The following GRIK1 variants were observed in gnomAD, a reference collection of about 807,000 sequenced individuals.
The protein encoded by GRIK1 is glutamate receptor ionotropic, kainate 1.
GRIK1 carries 69 observed loss-of-function variants against 105.7 expected under a neutral mutation model. That is an observed-to-expected ratio of 0.65 (90% CI 0.54 to 0.80). The LOEUF is 0.80. Ranked by LOEUF, GRIK1 falls within the 30% of genes least tolerant of loss-of-function variation. The pLI is 0.00. For missense variants in GRIK1, 1,109 were observed against 1,167.3 expected, an observed-to-expected ratio of 0.95 and a Z score of 0.73; for synonymous variants, 438 against 431.3, an observed-to-expected ratio of 1.02 and a Z score of -0.19.
At chr21:29,709,839 T>A (rs1203601234) in intron 1 of GRIK1, among the ~76,000 whole-genome samples, 1 of 151,964 alleles carries the variant, frequency 6.6e-6, no homozygotes, top group African/African-American at 2.4e-5. Flanking sequence ...AATACTTTAA[T>A]TTCCTCTTTA....
chr21:29,739,587 C>A (rs563848637), intron 1 of GRIK1, among the ~76,000 whole-genome samples: 2 of 152,282 alleles, frequency 1.3e-5, no homozygotes, highest in African/African-American at 4.8e-5. Context: ...AAAGGAACAT[C>A]GTGCATTCAT....
At chr21:29,620,286 T>C (rs1178277052) in intron 7 of GRIK1, among the ~76,000 whole-genome samples, 1 of 152,200 alleles carries the variant, frequency 6.6e-6, no homozygotes, top group Non-Finnish European at 1.5e-5. Flanking sequence ...ACGTAACAGG[T>C]ATTTCTTGCC....
chr21:29,792,654 TGC>T (rs2066450947), intron 1 of GRIK1, among the ~76,000 whole-genome samples: 2 of 152,226 alleles, frequency 1.3e-5, no homozygotes, highest in Admixed American at 6.5e-5. Context: ...TAAATATGCC[TGC>T]TCTGAAATAT....
intron 1 of GRIK1, among the ~76,000 whole-genome samples, chr21:29,793,056 C>T (rs1028048586): frequency 1.3e-5 from 2 of 152,142 alleles, no homozygotes; most frequent in Non-Finnish European, 2.9e-5. Flanking sequence ...GATCCTCTCC[C>T]TCATACGCAG....
At chr21:29,884,525 G>A (rs963327542) in intron 1 of GRIK1, among the ~76,000 whole-genome samples, 1 of 151,938 alleles carries the variant, frequency 6.6e-6, no homozygotes, top group Admixed American at 6.6e-5. Flanking sequence ...AGAGTTACTT[G>A]ATGGCCATGT....
At chr21:29,814,602 C>T (rs2067103573) in intron 1 of GRIK1, among the ~76,000 whole-genome samples, 1 of 152,212 alleles carries the variant, frequency 6.6e-6, no homozygotes, top group South Asian at 2.1e-4. Context: ...TTCCTTCTGC[C>T]TCTCTCGATA....
In GRIK1 at chr21:29,576,864, CT is replaced by C. The variant is rs563969190; in HGVS notation, c.2130+99del. On this transcript the variant is annotated intron_variant, in intron 14 of 17. Coordinates refer to ENST00000327783, the MANE Select transcript of GRIK1 (RefSeq NM_001330994.2). Reference sequence around the variant, plus strand: ...TTTCATTAAAAAAATTACCCAACATCTTTTTTTCTTTTTTCTTTTTCTTTTT... The same window carrying C: ...TTTCATTAAAAAAATTACCCAACATCTTTTTTCTTTTTTCTTTTTCTTTTT... 439 of 700,460 alleles carry C rather than the reference CT, an allele frequency of 6.3e-4. 1 individual carries two copies. In the African/African-American group the frequency reaches 7.0e-3, roughly 11 times the overall value. The allele number at this position is 700,460 out of a possible 1,614,324, so 43.4% of individuals were successfully genotyped here.
chr21:29,598,632 A>AT (rs2061459751), intron 8 of GRIK1, among the ~76,000 whole-genome samples, 198 bp downstream of exon 8: 1 of 152,212 alleles, frequency 6.6e-6, no homozygotes, highest in South Asian at 2.1e-4. Context: ...TAGTACTGCT[A>AT]TTACTAAGAC....
intron 1 of GRIK1, among the ~76,000 whole-genome samples, chr21:29,744,168 C>T (rs2064995491): frequency 6.6e-6 from 1 of 152,206 alleles, no homozygotes; most frequent in South Asian, 2.1e-4. Flanking sequence ...GGGAGTTCTT[C>T]TGGGGGTCTG....
chr21:29,827,257 A>G (rs2067486415), intron 1 of GRIK1, among the ~76,000 whole-genome samples: 1 of 152,254 alleles, frequency 6.6e-6, no homozygotes, highest in East Asian at 1.9e-4. Context: ...AGCAGGTGGT[A>G]TTTTGAACTC....
chr21:29,834,578 A>G (rs899509630), intron 1 of GRIK1, among the ~76,000 whole-genome samples: 26 of 150,886 alleles, frequency 1.7e-4, no homozygotes, highest in Admixed American at 6.6e-4. Flanking sequence ...TGGGCCTTGA[A>G]TTCTGGCAGA....
chr21:29,841,969 T>A (rs867440656), intron 1 of GRIK1, among the ~76,000 whole-genome samples: 1 of 152,206 alleles, frequency 6.6e-6, no homozygotes, highest in Non-Finnish European at 1.5e-5. Flanking sequence ...GACTTAATTG[T>A]TGACTCTGTC....
In GRIK1 at chr21:29,781,450, A is replaced by T. The variant is rs192468082; in HGVS notation, c.119-87387T>A. Among the ~76,000 whole-genome samples, 10 of 152,248 alleles carry T rather than the reference A, an allele frequency of 6.6e-5. 1 individual carries two copies. In the East Asian group the frequency reaches 1.7e-3, roughly 26 times the overall value. ...TCTTTATAAATACGTACCTATGTGTATGCCATTGTATTTCCCACTCTCATT... is the reference window on the plus strand; with the variant it reads ...TCTTTATAAATACGTACCTATGTGTTTGCCATTGTATTTCCCACTCTCATT... On this transcript the variant is annotated intron_variant, in intron 1 of 17. Transcript: ENST00000327783.
At chr21:29,936,379 C>T (rs1602093939) in intron 1 of GRIK1, among the ~76,000 whole-genome samples, 1 of 152,082 alleles carries the variant, frequency 6.6e-6, no homozygotes, top group African/African-American at 2.4e-5. Flanking sequence ...ACTAAGTTTA[C>T]CTAGATCCTG....
chr21:29,600,518 A>G (rs74789492), intron 7 of GRIK1, among the ~76,000 whole-genome samples: 3,767 of 152,310 alleles, frequency 0.025, 162 homozygotes, highest in African/African-American at 0.085. Context: ...GTATCCACTT[A>G]GCTGTTTTTC....
At chr21:29,795,027 AATTTTTTTTTT>A (rs1250099384) in intron 1 of GRIK1, among the ~76,000 whole-genome samples, 5 of 82,152 alleles carry the variant, frequency 6.1e-5, no homozygotes, top group Non-Finnish European at 9.5e-5. Flanking sequence ...CTTTGCTCTA[AATTTTTTTTTT>A]TTTTTTTTTT....
chr21:29,556,296 A>G (rs147773438), intron 15 of GRIK1, among the ~76,000 whole-genome samples: 1 of 152,316 alleles, frequency 6.6e-6, no homozygotes, highest in East Asian at 1.9e-4. Flanking sequence ...CCCATTCGGC[A>G]TAAAGCTCTT....
intron 12 of GRIK1, among the ~76,000 whole-genome samples, chr21:29,586,348 C>T (rs1173358372): frequency 1.3e-5 from 2 of 152,116 alleles, no homozygotes; most frequent in African/African-American, 4.8e-5. Flanking sequence ...ACCTTTCCAG[C>T]CTGTGTTATT....
intron 1 of GRIK1, among the ~76,000 whole-genome samples, chr21:29,937,509 A>G (rs1259211459): frequency 2.0e-5 from 3 of 152,196 alleles, no homozygotes; most frequent in Non-Finnish European, 2.9e-5. Context: ...GATGATTGTG[A>G]TTGCTTGGAG....
Sources: allele counts gnomAD v4.1 joint callset (sites outside exome capture counted in the v4.1 genomes callset), GRCh38; gene constraint gnomAD v4.1.1; transcripts MANE v1.5; gene names NCBI Gene and HGNC (gene_info 2026-07-23, HGNC 2026-07-21).